PCDHA2: variants seen among roughly 807,000 people sequenced by gnomAD.
PCDHA2 encodes protocadherin alpha-2.
Under a neutral mutation model 66.0 loss-of-function variants are expected in PCDHA2, and 58 were observed. The ratio of observed to expected loss-of-function variants is 0.88; its 90% CI spans 0.71 to 1.09. The LOEUF (loss-of-function observed/expected upper bound fraction) is 1.09, where lower values mean the gene tolerates loss of function less well. Ranked by LOEUF, PCDHA2 falls within the 50% of genes least tolerant of loss-of-function variation. PCDHA2 has a pLI of 0.00. For missense variants in PCDHA2, 1,267 were observed against 1,242.3 expected, an observed-to-expected ratio of 1.02 and a Z score of -0.30; for synonymous variants, 634 against 554.0, an observed-to-expected ratio of 1.14 and a Z score of -2.03.
chr5:140,858,741 A>G, intron 1 of PCDHA2: 1 of 467,024 alleles, frequency 2.1e-6, no homozygotes, highest in Middle Eastern at 5.8e-4. Flanking sequence ...TACTTTCATA[A>G]TCACTTTTCG....
intron 1 of PCDHA2, among the ~76,000 whole-genome samples, chr5:140,798,302 T>C (rs1443836025): frequency 6.6e-6 from 1 of 152,244 alleles, no homozygotes; most frequent in Non-Finnish European, 1.5e-5. Context: ...ATGTTTTTTA[T>C]AAGTAAAATA....
intron 1 of PCDHA2, chr5:140,807,065 A>G (rs1763837817): frequency 8.9e-7 from 1 of 1,125,474 alleles, no homozygotes; most frequent in Non-Finnish European, 1.3e-6. Context: ...ACTGGAAGGA[A>G]CCATATACAC....
chr5:140,899,654 G>C (rs1429177993), intron 1 of PCDHA2, among the ~76,000 whole-genome samples: 1 of 152,158 alleles, frequency 6.6e-6, no homozygotes, highest in African/African-American at 2.4e-5. Context: ...ATTTGGTTGT[G>C]TCTCTGCCCG....
At position 140,871,191 on chromosome 5, in the gene PCDHA2, C is replaced by A. The variant is rs370303558; in HGVS notation, c.2388+73839C>A. The A allele has an allele frequency of 2.4e-5, 38 of 1,613,538 alleles. No individual in the cohort carries two copies. The African/African-American group carries it at 4.4e-4, about 19-fold the overall frequency. ...CAGAGGCTGCGCTGGTGGATGTCAA[C>A]GTGTACCTGATCATCGCCATCTGCG... On this transcript the variant is annotated intron_variant, in intron 1 of 3. Transcript: ENST00000526136.
intron 1 of PCDHA2, 61 bp downstream of exon 1, chr5:140,797,413 A>T: frequency 6.6e-7 from 1 of 1,509,416 alleles, no homozygotes; most frequent in South Asian, 1.2e-5. Context: ...ATTCTATATG[A>T]TTTCTACTAG....
At chr5:140,938,796 C>T (rs563991147) in intron 1 of PCDHA2, among the ~76,000 whole-genome samples, 4 of 152,138 alleles carry the variant, frequency 2.6e-5, no homozygotes, top group East Asian at 3.9e-4. Context: ...ATGAAATAAT[C>T]GGTACCACAA....
chr5:140,983,359 A>G (rs1310994731), intron 3 of PCDHA2, among the ~76,000 whole-genome samples: 1 of 152,254 alleles, frequency 6.6e-6, no homozygotes, highest in African/African-American at 2.4e-5. Flanking sequence ...TAATAGAAAT[A>G]TGGCTTTGGA....
intron 1 of PCDHA2, chr5:140,875,198 G>A: frequency 7.2e-6 from 4 of 552,228 alleles, no homozygotes; most frequent in Non-Finnish European, 1.1e-5. Flanking sequence ...GACCCAGGAA[G>A]TGGCTAAACC....
intron 1 of PCDHA2, chr5:140,928,158 A>T: frequency 1.2e-6 from 2 of 1,614,066 alleles, no homozygotes; most frequent in Non-Finnish European, 1.7e-6. Flanking sequence ...ATAGTGGCTC[A>T]CCCCCACTTA....
Position 140,882,762 on chromosome 5 carries a change from A to G in PCDHA2, c.2388+85410A>G, listed in dbSNP as rs2059298878. 1.9e-6 allele frequency: 3 copies of G among 1,614,200 alleles called. No individual in the cohort carries two copies. The East Asian group carries it at 6.7e-5, about 36-fold the overall frequency. On this transcript the variant is annotated intron_variant, in intron 1 of 3. Transcript: ENST00000526136. ...GCATCCGATGCAGATATTGGAGTAA[A>G]CTCGGCATTGACCTACCGACTGGAT... is the stretch of plus-strand genomic sequence containing the variant.
chr5:140,857,656 G>C (rs1269090821), intron 1 of PCDHA2: 1 of 1,596,806 alleles, frequency 6.3e-7, no homozygotes, highest in Non-Finnish European at 8.6e-7. Flanking sequence ...AGGTGAGCGC[G>C]CGCGATGGGG....
chr5:140,885,556 G>A (rs1317413722), intron 1 of PCDHA2, among the ~76,000 whole-genome samples: 22 of 152,018 alleles, frequency 1.4e-4, no homozygotes, highest in African/African-American at 5.3e-4. Flanking sequence ...TTATTTCTAC[G>A]AAATTGATTG....
At chr5:140,831,917 A>C (rs73791796) in intron 1 of PCDHA2, among the ~76,000 whole-genome samples, 1 of 152,160 alleles carries the variant, frequency 6.6e-6, no homozygotes, top group South Asian at 2.1e-4. Flanking sequence ...TGCTTAAAAA[A>C]TTTGCTACTA....
chr5:140,961,222 T>C (rs1335870319), intron 1 of PCDHA2, among the ~76,000 whole-genome samples: 1 of 152,118 alleles, frequency 6.6e-6, no homozygotes, highest in East Asian at 1.9e-4. Flanking sequence ...AGAAACTGGG[T>C]CCCAAAAAGG....
intron 1 of PCDHA2, chr5:140,851,883 G>A (rs2042187282): frequency 3.1e-6 from 3 of 976,924 alleles, no homozygotes; most frequent in African/African-American, 1.8e-5. Flanking sequence ...CAGAAATCTG[G>A]ATATGAGATT....
Position 141,011,530 on chromosome 5 carries a change from T to A in PCDHA2, c.*1593T>A, listed in dbSNP as rs1427621980. 1 of 153,810 alleles carries A rather than the reference T, an allele frequency of 6.5e-6. No individual in the cohort carries two copies. The highest frequency in any genetic ancestry group is 1.5e-5 in the Non-Finnish European group (1 of 68,042). The allele number at this position is 153,810 out of a possible 1,614,324, so 9.5% of individuals were successfully genotyped here. A position where few individuals can be genotyped will look rare whatever the true frequency, so the allele number is the denominator to read the frequency against. On this transcript the variant is annotated 3_prime_UTR_variant, in exon 4 of 4. Coordinates refer to ENST00000526136, the MANE Select transcript of PCDHA2 (RefSeq NM_018905.3). ...TGGAGTAGTGTTTTTTTAACCATTG[T>A]TAATCAGCTTTTGTGTATGAAAGAC...
At position 140,833,643 on chromosome 5, in the gene PCDHA2, C is replaced by T. The variant is rs2150210110; in HGVS notation, c.2388+36291C>T. On this transcript the variant is annotated intron_variant, in intron 1 of 3. Coordinates refer to ENST00000526136, the MANE Select transcript of PCDHA2 (RefSeq NM_018905.3). Reference sequence around the variant, plus strand: ...GAATACTTCCTCCTCAAAAAGTTCACATGATACAAATTCTTCCCCTTCAAA... The same window carrying T: ...GAATACTTCCTCCTCAAAAAGTTCATATGATACAAATTCTTCCCCTTCAAA... Among the ~76,000 whole-genome samples the T allele has an allele frequency of 6.6e-5, 10 of 152,284 alleles. No homozygotes were observed. The East Asian group carries it at 1.4e-3, about 21-fold the overall frequency.
At chr5:140,868,341 T>C (rs1554161894) in intron 1 of PCDHA2, 1 of 152,158 alleles carries the variant, frequency 6.6e-6, no homozygotes, top group African/African-American at 2.4e-5. Flanking sequence ...AAGTCACTTA[T>C]AATCAGAAAG....
In PCDHA2 at chr5:140,855,474, C is replaced by T. The variant is rs997217146; in HGVS notation, c.2388+58122C>T. On this transcript the variant is annotated intron_variant, in intron 1 of 3. Transcript: ENST00000526136. Reference sequence around the variant, plus strand: ...ATAAACACCTCACAGATAGTTGATGCTTGACATTAGTGTCTAAATAAACCT... The same window carrying T: ...ATAAACACCTCACAGATAGTTGATGTTTGACATTAGTGTCTAAATAAACCT... Among the ~76,000 whole-genome samples, 3 of 149,784 alleles carry T rather than the reference C, an allele frequency of 2.0e-5. 1 individual carries two copies. Among genetic ancestry groups the T allele is most frequent in the African/African-American group, 7.3e-5 (3 of 40,830 alleles).
Sources: allele counts gnomAD v4.1 joint callset (sites outside exome capture counted in the v4.1 genomes callset), GRCh38; gene constraint gnomAD v4.1.1; transcripts MANE v1.5; gene names NCBI Gene and HGNC (gene_info 2026-07-23, HGNC 2026-07-21).